RUNX1T1: variants seen among roughly 807,000 people sequenced by gnomAD.
The protein encoded by RUNX1T1 is RUNX1 partner transcriptional co-repressor 1.
RUNX1T1 carries 4 observed loss-of-function variants against 62.8 expected under a neutral mutation model. The ratio of observed to expected loss-of-function variants is 0.06; its 90% CI spans 0.03 to 0.15. RUNX1T1 has a LOEUF of 0.15. Among genes scored for constraint, RUNX1T1 ranks in the 10% least tolerant of loss-of-function variants. The probability of loss-of-function intolerance (pLI) is 1.00; values close to 1 mark genes in which losing one functional copy is unlikely to be tolerated. For synonymous variants in RUNX1T1, 291 were observed against 286.0 expected (o/e 1.02, Z -0.18); for missense variants, 508 against 754.3 (o/e 0.67, Z 3.82).
intron 10 of RUNX1T1, among the ~76,000 whole-genome samples, chr8:91,961,175 C>T (rs1563600418): frequency 1.3e-5 from 2 of 152,182 alleles, no homozygotes; most frequent in African/African-American, 4.8e-5. Flanking sequence ...ACAGGATCCT[C>T]AGTTTGTTTT....
chr8:91,971,029 C>A (rs1357893784), intron 9 of RUNX1T1, 181 bp from the exon 11 acceptor site: 1 of 455,520 alleles, frequency 2.2e-6, no homozygotes, highest in East Asian at 3.4e-5. Context: ...AGCCTTCCAG[C>A]CACCATGCCC....
chr8:92,046,122 C>A (rs1221243534), intron 1 of RUNX1T1, among the ~76,000 whole-genome samples: 1 of 152,146 alleles, frequency 6.6e-6, no homozygotes, highest in East Asian at 1.9e-4. Context: ...TCATTTCAGA[C>A]TGTCACCACC....
chr8:91,961,557 C>T (rs80003805), intron 10 of RUNX1T1, among the ~76,000 whole-genome samples: 1,703 of 152,262 alleles, frequency 0.011, 25 homozygotes, highest in African/African-American at 0.039. Flanking sequence ...AAATGCATCA[C>T]GAATTAGAGC....
intron 1 of RUNX1T1, among the ~76,000 whole-genome samples, chr8:92,054,078 G>A (rs1338403567): frequency 6.7e-6 from 1 of 149,708 alleles, no homozygotes; most frequent in East Asian, 2.0e-4. Context: ...CAGACTCAGT[G>A]ATGTAAATTG....
chr8:91,967,864 T>C (rs768639184), intron 10 of RUNX1T1, among the ~76,000 whole-genome samples: 1 of 152,006 alleles, frequency 6.6e-6, no homozygotes, highest in African/African-American at 2.4e-5. Flanking sequence ...TGGCTTCAAA[T>C]AAAGAAAGGG....
chr8:91,968,175 G>A (rs1812027909), intron 10 of RUNX1T1, among the ~76,000 whole-genome samples: 1 of 152,056 alleles, frequency 6.6e-6, no homozygotes, highest in Admixed American at 6.6e-5. Context: ...ACACGTATCT[G>A]CCTCCGAGCT....
intron 2 of RUNX1T1, among the ~76,000 whole-genome samples, chr8:92,071,754 A>G (rs1268958389): frequency 6.6e-6 from 1 of 152,162 alleles, no homozygotes; most frequent in Non-Finnish European, 1.5e-5. Context: ...TTTGCTCTTC[A>G]GGTAATTAAA....
At chr8:92,072,837 T>C (rs1833885982) in intron 2 of RUNX1T1, among the ~76,000 whole-genome samples, 1 of 152,226 alleles carries the variant, frequency 6.6e-6, no homozygotes, top group South Asian at 2.1e-4. Context: ...ATAACTTTCC[T>C]CTTCCTAACA....
At chr8:92,035,127 T>G (rs909593642) in intron 1 of RUNX1T1, among the ~76,000 whole-genome samples, 4 of 151,930 alleles carry the variant, frequency 2.6e-5, no homozygotes, top group Admixed American at 2.6e-4. Flanking sequence ...AAACGCCGTC[T>G]CTACTAAAAG....
chr8:92,028,658 G>C (rs1825703807), intron 1 of RUNX1T1, among the ~76,000 whole-genome samples: 1 of 152,128 alleles, frequency 6.6e-6, no homozygotes, highest in Non-Finnish European at 1.5e-5. Context: ...ACAAAGAAAA[G>C]TTTAAAGCCC....
chr8:92,095,678 A>AAGGAGAGACACAGGC, intron 1 of RUNX1T1: 1 of 876,966 alleles, frequency 1.1e-6, no homozygotes, highest in Non-Finnish European at 1.6e-6. Flanking sequence ...GGCAGGAGGG[A>AAGGAGAGACACAGGC]AGGAGGGATG....
At chr8:92,078,733 TA>T (rs1834797787) in intron 1 of RUNX1T1, among the ~76,000 whole-genome samples, 1 of 152,340 alleles carries the variant, frequency 6.6e-6, no homozygotes, top group Admixed American at 6.5e-5. Flanking sequence ...CTCTGCTATA[TA>T]AAGGATTCTT....
chr8:92,016,624 GA>G (rs1023184672), intron 2 of RUNX1T1, among the ~76,000 whole-genome samples: 25 of 152,082 alleles, frequency 1.6e-4, no homozygotes, highest in African/African-American at 5.8e-4. Flanking sequence ...GCAGTGAGCT[GA>G]GATCGTGCCA....
chr8:92,086,269 G>C (rs1446445435), intron 1 of RUNX1T1, among the ~76,000 whole-genome samples: 1 of 152,164 alleles, frequency 6.6e-6, no homozygotes, highest in Non-Finnish European at 1.5e-5. Context: ...ATTCAAAGAA[G>C]TTTTATAAAT....
chr8:92,090,066 G>A (rs1283265866), intron 1 of RUNX1T1, among the ~76,000 whole-genome samples: 2 of 150,706 alleles, frequency 1.3e-5, no homozygotes, highest in African/African-American at 4.9e-5. Context: ...TCTGCCCTTC[G>A]CCTTCTGAGA....
At chr8:92,021,216 G>A (rs778717487) in intron 1 of RUNX1T1, among the ~76,000 whole-genome samples, 4 of 152,196 alleles carry the variant, frequency 2.6e-5, no homozygotes, top group Non-Finnish European at 5.9e-5. Context: ...TGCAAGTCCT[G>A]TAACAGGAAA....
intron 1 of RUNX1T1, among the ~76,000 whole-genome samples, chr8:92,089,570 T>C (rs1836655575): frequency 1.3e-5 from 2 of 152,016 alleles, no homozygotes; most frequent in South Asian, 4.1e-4. Flanking sequence ...CCCATCCACC[T>C]CAGCCCCTAG....
At chr8:92,067,999 T>C (rs938457142) in intron 2 of RUNX1T1, among the ~76,000 whole-genome samples, 2 of 152,206 alleles carry the variant, frequency 1.3e-5, no homozygotes, top group Non-Finnish European at 2.9e-5. Flanking sequence ...CAGTTAAAGG[T>C]AGATTCCTAC....
intron 2 of RUNX1T1, among the ~76,000 whole-genome samples, 194 bp downstream of exon 2, chr8:92,075,771 C>G (rs1198856710): frequency 6.6e-6 from 1 of 152,128 alleles, no homozygotes; most frequent in Non-Finnish European, 1.5e-5. Flanking sequence ...AGGGTTCCCA[C>G]CACCAGATTG....
Sources: allele counts gnomAD v4.1 joint callset (sites outside exome capture counted in the v4.1 genomes callset), GRCh38; gene constraint gnomAD v4.1.1; transcripts MANE v1.5; gene names NCBI Gene and HGNC (gene_info 2026-07-23, HGNC 2026-07-21).